The following MIA3 variants were observed in gnomAD, a reference collection of about 807,000 sequenced individuals.
The protein encoded by MIA3 is MIA SH3 domain ER export factor 3.
MIA3 carries 90 observed loss-of-function variants against 192.4 expected under a neutral mutation model. The ratio of observed to expected loss-of-function variants is 0.47; its 90% CI spans 0.39 to 0.56. MIA3 has a LOEUF of 0.56. Ranked by LOEUF, MIA3 falls within the 20% of genes least tolerant of loss-of-function variation. The pLI, the probability that MIA3 is intolerant of heterozygous loss-of-function variation, is 0.00. For missense variants in MIA3, 2,123 were observed against 2,269.4 expected (o/e 0.94, Z 1.31); for synonymous variants, 740 against 792.8 (o/e 0.93, Z 1.12).
intron 5 of MIA3, 105 bp downstream of exon 5, chr1:222,632,431 GA>G: frequency 9.9e-6 from 10 of 1,010,176 alleles, no homozygotes; most frequent in Non-Finnish European, 1.3e-5. Flanking sequence ...AAATTCAAAG[GA>G]AAAAAGGATC....
intron 24 of MIA3, chr1:222,660,717 C>T: frequency 1.1e-5 from 2 of 180,398 alleles, no homozygotes; most frequent in Non-Finnish European, 2.3e-5. Context: ...AAAGAACTTG[C>T]AGATGAACCA....
In MIA3 at chr1:222,633,262, T is replaced by C; in HGVS notation, c.3477+13T>C. 2 of 1,573,300 alleles carry C rather than the reference T, an allele frequency of 1.3e-6. No homozygotes were observed. Among genetic ancestry groups the C allele is most frequent in the East Asian group, 2.2e-5 (1 of 44,628 alleles). ...TTTAACTAAGTCGGTAAGTTTAACA[T>C]AGTTTTTTTTTAACTAAAATGTTGA... On this transcript the variant is annotated intron_variant, in intron 6 of 27. Transcript: ENST00000344922.
chr1:222,665,395 G>A lies in MIA3; in HGVS notation c.5500G>A (p.Gly1834Arg). The A allele has an allele frequency of 6.2e-7, 1 of 1,613,794 alleles. No homozygotes were observed. Among genetic ancestry groups the A allele is most frequent in the Non-Finnish European group, 8.5e-7 (1 of 1,179,922 alleles). Residue 1834 changes from glycine (G) to arginine (R), a missense_variant, in exon 28 of 28, where the codon GGA (glycine) becomes AGA (arginine). Transcript: ENST00000344922. ...ACGGGACCTGCCTCTCCACCCTCGG[G>A]GATTTTTACCTGGACACGCACCATT... is the stretch of plus-strand genomic sequence containing the variant. ...GRRDLPLHPR[G>R]FLPGHAPFRP...
At chr1:222,619,962 C>A (rs942272871) in intron 1 of MIA3, among the ~76,000 whole-genome samples, 1 of 152,164 alleles carries the variant, frequency 6.6e-6, no homozygotes. Context: ...CCTCTATGAT[C>A]TATTGTAAGG....
At position 222,665,490 on chromosome 1, in the gene MIA3, T is replaced by C. The variant is rs371520672; in HGVS notation, c.5595T>C (p.His1865=). The C allele has an allele frequency of 3.6e-5, 58 of 1,613,878 alleles. No homozygotes were observed. The African/African-American group carries it at 6.7e-4, about 19-fold the overall frequency. ...GTACCCGATTACCACCCCCAACCCA[T>C]GGTCCCCAGGAATACCCACCACCAC... ...IPGTRLPPPT[H]GPQEYPPPPA... Residue 1865 remains histidine, a synonymous_variant, in exon 28 of 28, where the codon CAT becomes CAC. Transcript: ENST00000344922.
chr1:222,636,639 A>G (rs1662638072), intron 6 of MIA3, among the ~76,000 whole-genome samples: 2 of 151,368 alleles, frequency 1.3e-5, no homozygotes, highest in South Asian at 4.2e-4. Context: ...TAGCCTCCCA[A>G]GTAGCTGGGA....
intron 7 of MIA3, among the ~76,000 whole-genome samples, chr1:222,647,157 A>G (rs1321956456): frequency 1.3e-5 from 2 of 152,200 alleles, no homozygotes; most frequent in Non-Finnish European, 2.9e-5. Flanking sequence ...TTCGAAATGC[A>G]AATTATATCA....
At position 222,628,957 on chromosome 1, in the gene MIA3, T is replaced by C. The variant is rs747601979; in HGVS notation, c.1737T>C (p.Ser579=). The C allele has an allele frequency of 1.1e-5, 18 of 1,614,164 alleles. No homozygotes were observed. The South Asian group carries it at 2.0e-4, about 18-fold the overall frequency. Residue 579 remains serine (S), a synonymous_variant, in exon 4 of 28, where the codon AGT becomes AGC. Coordinates refer to ENST00000344922, the MANE Select transcript of MIA3 (RefSeq NM_198551.4). ...DRKIQQESLG[S]APLMGDDHPN... is the part of the protein sequence containing the mutation. ...AGATTCAACAGGAATCCCTGGGTAG[T>C]GCACCACTCATGGGAGATGACCACC...
At chr1:222,632,889 A>T (rs1662464011) in intron 5 of MIA3, among the ~76,000 whole-genome samples, 1 of 152,252 alleles carries the variant, frequency 6.6e-6, no homozygotes, top group Non-Finnish European at 1.5e-5. Context: ...GCATAAGCTC[A>T]TAGGAGACAG....
intron 3 of MIA3, among the ~76,000 whole-genome samples, chr1:222,625,533 A>G (rs374740720): frequency 6.6e-6 from 1 of 152,220 alleles, no homozygotes; most frequent in East Asian, 1.9e-4. Context: ...CAGAAATGCA[A>G]ACTTACAAAG....
chr1:222,645,676 T>C lies in MIA3; in HGVS notation c.3600T>C (p.Thr1200=), dbSNP rs936642506. Residue 1200 remains threonine, a synonymous_variant, in exon 7 of 28, where the codon ACT becomes ACC. Transcript: ENST00000344922. ...CGTTTGCCATTTTCTTATGGAGAAC[T>C]GTCCTTGTTGTGAGTAAATTAATGC... The part of the protein sequence containing the change: ...IASFAIFLWR[T]VLVVKDRVYQ... 4 of 1,613,470 alleles carry C rather than the reference T, an allele frequency of 2.5e-6. No homozygotes were observed. Among genetic ancestry groups the C allele is most frequent in the African/African-American group, 2.7e-5 (2 of 74,928 alleles).
At position 222,629,342 on chromosome 1, in the gene MIA3, A is replaced by G; in HGVS notation, c.2122A>G (p.Thr708Ala). The change falls in exon 4 of 28, where the codon ACT (threonine) becomes GCT (alanine). Residue 708 changes from threonine (T) to alanine (A), a missense_variant. Transcript: ENST00000344922. ...CACAGAGGTAGGACAGACAGACCAA[A>G]CTGACAGCACAGGAGGACCAGCTTT... is the stretch of plus-strand genomic sequence containing the variant. ...QGTEVGQTDQ[T>A]DSTGGPAFLS... 1 of 1,614,170 alleles carries G rather than the reference A, an allele frequency of 6.2e-7. No homozygotes were observed. Among genetic ancestry groups the G allele is most frequent in the Non-Finnish European group, 8.5e-7 (1 of 1,180,024 alleles).
At chr1:222,652,875 A>G in intron 13 of MIA3, 133 bp from the exon 14 acceptor site, 2 of 918,764 alleles carry the variant, frequency 2.2e-6, no homozygotes, top group Non-Finnish European at 3.2e-6. Flanking sequence ...CCTCCCACTT[A>G]ACCAAGGTCT....
At chr1:222,633,076 A>G (rs1558179757) in intron 5 of MIA3, 28 bp from the exon 6 acceptor site, 2 of 1,568,374 alleles carry the variant, frequency 1.3e-6, no homozygotes, top group Non-Finnish European at 1.7e-6. Context: ...CTAAAGCACA[A>G]AATGTCTATC....
Position 222,629,130 on chromosome 1 carries a change from A to G in MIA3, c.1910A>G (p.Glu637Gly), listed in dbSNP as rs757588976. The G allele has an allele frequency of 1.1e-5, 17 of 1,614,216 alleles. No individual in the cohort carries two copies. Among genetic ancestry groups the G allele is most frequent in the Non-Finnish European group, 2.5e-6 (3 of 1,180,032 alleles). The change falls in exon 4 of 28, where the codon GAG becomes GGG. Residue 637 changes from glutamate to glycine, a missense_variant. By Grantham distance (98) the Glu-to-Gly change is moderately conservative. Transcript: ENST00000344922. ...CAACCTAGATTCTCCTCTCCAGATGAGATTGATTTGCCCAGAGAACTGGAA... is the reference window on the plus strand; with the variant it reads ...CAACCTAGATTCTCCTCTCCAGATGGGATTGATTTGCCCAGAGAACTGGAA... Reference protein sequence around the residue: ...QNQPRFSSPDEIDLPRELEDE... With the variant: ...QNQPRFSSPDGIDLPRELEDE...
At chr1:222,646,426 AAAG>A in intron 7 of MIA3, among the ~76,000 whole-genome samples, 1 of 150,006 alleles carries the variant, frequency 6.7e-6, no homozygotes, top group South Asian at 2.1e-4. Context: ...AAAAAAAAAA[AAAG>A]AAAGAAAGAA....
intron 1 of MIA3, among the ~76,000 whole-genome samples, chr1:222,619,155 A>C (rs1036832686): frequency 1.4e-4 from 22 of 152,192 alleles, no homozygotes; most frequent in Non-Finnish European, 5.9e-5. Context: ...AGGTTATTAC[A>C]GGAATGACAG....
chr1:222,637,933 C>T (rs1481626553), intron 6 of MIA3, among the ~76,000 whole-genome samples: 1 of 152,164 alleles, frequency 6.6e-6, no homozygotes, highest in Non-Finnish European at 1.5e-5. Context: ...TTGCCTGCCT[C>T]AGCCTCCCTA....
rs2124857587 is a variant in MIA3 at position 222,633,212 on chromosome 1, T to A, written c.3440T>A (p.Leu1147His). 1 of 1,611,732 alleles carries A rather than the reference T, an allele frequency of 6.2e-7. No individual in the cohort carries two copies. The highest frequency in any genetic ancestry group is 1.7e-5 in the Admixed American group (1 of 59,452). The change falls in exon 6 of 28, where the codon CTT becomes CAT. Residue 1147 changes from leucine to histidine, a missense_variant. Leu to His is a moderately conservative substitution (Grantham distance 99, BLOSUM62 -3). Around this residue, in one of 3 missense-constraint regions of MIA3, gnomAD observed 1,357 missense variants for 1,396.1 expected, o/e 0.97. Coordinates refer to ENST00000344922, the MANE Select transcript of MIA3 (RefSeq NM_198551.4). ...GTCACACCTTTGGAAAACGCAATCC[T>A]TCTAATATATTCATTCATGTTTTAT... ...ASVTPLENAI[L>H]LIYSFMFYLT...
Sources: allele counts gnomAD v4.1 joint callset (sites outside exome capture counted in the v4.1 genomes callset), GRCh38; gene constraint gnomAD v4.1.1; regional missense constraint gnomAD v4.1.1; transcripts MANE v1.5; gene names NCBI Gene and HGNC (gene_info 2026-07-23, HGNC 2026-07-21).